Variants in DLGAP1 observed in about 807,000 individuals in gnomAD.
The protein encoded by DLGAP1 is DLG associated protein 1, also known as disks large-associated protein 1.
A neutral mutation model predicts 90.8 loss-of-function variants in DLGAP1; 11 were observed. The ratio of observed to expected loss-of-function variants is 0.12; its 90% CI spans 0.08 to 0.20. The LOEUF is 0.20. Ranked by LOEUF, DLGAP1 falls within the 10% of genes least tolerant of loss-of-function variation. The pLI, the probability that DLGAP1 is intolerant of heterozygous loss-of-function variation, is 1.00. For missense variants in DLGAP1, 1,050 were observed against 1,333.8 expected, an observed-to-expected ratio of 0.79 and a Z score of 3.31; for synonymous variants, 558 against 540.7, an observed-to-expected ratio of 1.03 and a Z score of -0.44.
intron 2 of DLGAP1, among the ~76,000 whole-genome samples, chr18:4,045,383 T>C (rs1177288240): frequency 1.5e-5 from 2 of 136,420 alleles, no homozygotes; most frequent in Non-Finnish European, 3.0e-5. Context: ...TTTGCATTTC[T>C]TGGAAATAGA....
intron 1 of DLGAP1, among the ~76,000 whole-genome samples, chr18:4,311,070 GA>G (rs1211545064): frequency 2.0e-5 from 3 of 152,216 alleles, no homozygotes; most frequent in African/African-American, 7.2e-5. Flanking sequence ...TAGGTCTAAA[GA>G]GAAAACAACT....
chr18:3,961,665 G>A (rs1172446337), intron 3 of DLGAP1, among the ~76,000 whole-genome samples: 2 of 152,212 alleles, frequency 1.3e-5, no homozygotes, highest in Non-Finnish European at 2.9e-5. Flanking sequence ...ACACACTGAT[G>A]CCTGGTCAGC....
intron 5 of DLGAP1, among the ~76,000 whole-genome samples, chr18:3,783,315 A>G (rs551193482): frequency 2.6e-5 from 4 of 152,220 alleles, no homozygotes; most frequent in Non-Finnish European, 5.9e-5. Flanking sequence ...ACTTGGGAGG[A>G]ATGAAAACAT....
Position 4,440,710 on chromosome 18 carries a change from C to G in DLGAP1, c.-267+14296G>C, listed in dbSNP as rs182380382. Among the ~76,000 whole-genome samples, 67 of 152,318 alleles carry G rather than the reference C, an allele frequency of 4.4e-4. No homozygotes were observed. In the South Asian group the frequency reaches 0.01, roughly 23 times the overall value. ...GACAGCTAGGACATTATAAAGGACACTCACTATTCAATCAGTTTTACATGT... is the reference window on the plus strand; with the variant it reads ...GACAGCTAGGACATTATAAAGGACAGTCACTATTCAATCAGTTTTACATGT... On this transcript the variant is annotated intron_variant, in intron 1 of 12. Coordinates refer to ENST00000315677, the MANE Select transcript of DLGAP1 (RefSeq NM_004746.4).
At chr18:4,135,778 G>A (rs1024736877) in intron 2 of DLGAP1, among the ~76,000 whole-genome samples, 1 of 140,474 alleles carries the variant, frequency 7.1e-6, no homozygotes, top group Non-Finnish European at 1.5e-5. Flanking sequence ...TTGTAAATGA[G>A]AGAATCTGAT....
At chr18:4,107,902 TG>T (rs1598413019) in intron 2 of DLGAP1, among the ~76,000 whole-genome samples, 1 of 152,196 alleles carries the variant, frequency 6.6e-6, no homozygotes, top group Non-Finnish European at 1.5e-5. Context: ...AGAAAAATCT[TG>T]GTTTTTGTTT....
chr18:3,897,778 A>ATTTTT (rs869170460), intron 3 of DLGAP1, among the ~76,000 whole-genome samples: 3 of 94,502 alleles, frequency 3.2e-5, no homozygotes, highest in African/African-American at 4.1e-5. Context: ...CGAATTTCTG[A>ATTTTT]TTTTTTTTTT....
chr18:4,077,088 C>T (rs1415999717), intron 2 of DLGAP1, among the ~76,000 whole-genome samples: 1 of 152,140 alleles, frequency 6.6e-6, no homozygotes, highest in Admixed American at 6.5e-5. Flanking sequence ...ATGACCTTCA[C>T]TCTATGCTAC....
chr18:3,589,491 C>T (rs521415), intron 7 of DLGAP1, among the ~76,000 whole-genome samples: 32,922 of 152,040 alleles, frequency 0.22, 4,326 homozygotes, highest in Non-Finnish European at 0.29. Flanking sequence ...TTTAGAAATT[C>T]TTTAAAACAT....
At chr18:3,602,406 TAA>T (rs2057094255) in intron 7 of DLGAP1, among the ~76,000 whole-genome samples, 1 of 151,920 alleles carries the variant, frequency 6.6e-6, no homozygotes, top group East Asian at 1.9e-4. Flanking sequence ...CCATCCTGGC[TAA>T]GACAGTGAAA....
chr18:3,558,729 T>G (rs1282798224), intron 9 of DLGAP1, among the ~76,000 whole-genome samples: 1 of 152,218 alleles, frequency 6.6e-6, no homozygotes, highest in Non-Finnish European at 1.5e-5. Flanking sequence ...CTTTTTCCAT[T>G]CCTTTACTTT....
chr18:3,995,771 C>T (rs1599291156), intron 3 of DLGAP1: 1 of 149,892 alleles, frequency 6.7e-6, no homozygotes, highest in East Asian at 1.9e-4. Context: ...ACACTGTATT[C>T]ATCAGTGTTT....
intron 4 of DLGAP1, among the ~76,000 whole-genome samples, chr18:3,865,726 T>C (rs1437770180): frequency 2.0e-5 from 3 of 152,156 alleles, no homozygotes; most frequent in Non-Finnish European, 4.4e-5. Context: ...GAGAATAATC[T>C]TGAGCAAATT....
At chr18:4,002,370 T>C (rs1245230294) in intron 3 of DLGAP1, among the ~76,000 whole-genome samples, 1 of 46,844 alleles carries the variant, frequency 2.1e-5, no homozygotes, top group Non-Finnish European at 6.0e-5. Context: ...TCCATTTACA[T>C]GCAGATTTTC....
intron 9 of DLGAP1, among the ~76,000 whole-genome samples, chr18:3,536,210 TCTTA>T (rs1436940616): frequency 1.3e-5 from 2 of 148,614 alleles, no homozygotes; most frequent in African/African-American, 4.9e-5. Flanking sequence ...TTCTTTCCTT[TCTTA>T]CTTTCTTTCT....
intron 7 of DLGAP1, among the ~76,000 whole-genome samples, chr18:3,604,997 C>A (rs2057260948): frequency 6.6e-6 from 1 of 152,184 alleles, no homozygotes; most frequent in South Asian, 2.1e-4. Flanking sequence ...TCTACTTAGT[C>A]TCACTGGGTC....
chr18:3,739,299 T>G lies in DLGAP1; in HGVS notation c.1350+3036A>C, dbSNP rs576215251. Among the ~76,000 whole-genome samples, 160 of 150,648 alleles carry G rather than the reference T, an allele frequency of 1.1e-3. 2 individuals carry two copies. Among genetic ancestry groups the G allele is most frequent in the African/African-American group, 3.8e-3 (155 of 40,768 alleles). On this transcript the variant is annotated intron_variant, in intron 6 of 12. Coordinates refer to ENST00000315677, the MANE Select transcript of DLGAP1 (RefSeq NM_004746.4). ...GGGTATATACCCAAAGGACTATAAA[T>G]CATGCTGCTATAAAGACACATGCAC...
At chr18:4,035,424 T>C (rs973494234) in intron 2 of DLGAP1, among the ~76,000 whole-genome samples, 2 of 152,174 alleles carry the variant, frequency 1.3e-5, no homozygotes, top group Non-Finnish European at 2.9e-5. Flanking sequence ...TTAAAGATAC[T>C]GAAATATCAT....
At chr18:4,245,778 T>A (rs923408955) in intron 1 of DLGAP1, among the ~76,000 whole-genome samples, 1 of 148,504 alleles carries the variant, frequency 6.7e-6, no homozygotes, top group Non-Finnish European at 1.5e-5. Flanking sequence ...GGAGCATTTA[T>A]ATCAATGAAA....
Sources: allele counts gnomAD v4.1 joint callset (sites outside exome capture counted in the v4.1 genomes callset), GRCh38; gene constraint gnomAD v4.1.1; transcripts MANE v1.5; gene names NCBI Gene and HGNC (gene_info 2026-07-23, HGNC 2026-07-21).